KCTD15: variants seen among roughly 807,000 people sequenced by gnomAD.
KCTD15 encodes BTB/POZ domain-containing protein KCTD15.
Under a neutral mutation model 27.2 loss-of-function variants are expected in KCTD15, and 11 were observed. That is an observed-to-expected ratio of 0.41 (90% CI 0.25 to 0.67). The LOEUF (loss-of-function observed/expected upper bound fraction) is 0.67, where lower values mean the gene tolerates loss of function less well. Among genes scored for constraint, KCTD15 ranks in the 30% least tolerant of loss-of-function variants. The probability of loss-of-function intolerance (pLI) is 0.35; values close to 1 mark genes in which losing one functional copy is unlikely to be tolerated. For missense variants in KCTD15, 350 were observed against 409.3 expected (o/e 0.86, Z 1.25); for synonymous variants, 163 against 176.0 (o/e 0.93, Z 0.58).
Position 33,813,637 on chromosome 19 carries a change from G to C in KCTD15, c.*689G>C. On this transcript the variant is annotated 3_prime_UTR_variant, in exon 7 of 7. Coordinates refer to ENST00000683859, the MANE Select transcript of KCTD15 (RefSeq NM_001129994.2). ...GAGACCTTCACGTTTGCTGCCGTTG[G>C]GGGCTCAGGCTGCACTCCCCGGGTC... is the stretch of plus-strand genomic sequence containing the variant. The C allele has an allele frequency of 3.1e-6, 1 of 327,658 alleles. No homozygotes were observed. The highest frequency in any genetic ancestry group is 6.0e-6 in the Non-Finnish European group (1 of 166,584). 20.3% of individuals were successfully genotyped at this position (327,658 alleles called of 1,614,324 possible). A position where few individuals can be genotyped will look rare whatever the true frequency, so the allele number is the denominator to read the frequency against.
chr19:33,798,283 C>CA (rs1451103169), intron 1 of KCTD15: 1 of 79,572 alleles, frequency 1.3e-5, no homozygotes, highest in Non-Finnish European at 2.8e-5. Flanking sequence ...GAAGCGACTT[C>CA]AGAAGAAGCG....
chr19:33,800,842 A>G (rs943511077), intron 3 of KCTD15, among the ~76,000 whole-genome samples: 3 of 152,328 alleles, frequency 2.0e-5, no homozygotes, highest in African/African-American at 7.2e-5. Flanking sequence ...CATCTAACAC[A>G]TAAGCCCACG....
chr19:33,796,601 G>C (rs1262676144), upstream of KCTD15: 1 of 151,712 alleles, frequency 6.6e-6, no homozygotes, highest in Non-Finnish European at 1.5e-5. Flanking sequence ...GCTGGAGTGG[G>C]GGGCTGGTTT....
intron 1 of KCTD15, among the ~76,000 whole-genome samples, chr19:33,798,093 G>T (rs1030671275): frequency 8.6e-5 from 13 of 151,950 alleles, no homozygotes; most frequent in Admixed American, 8.5e-4. Context: ...GGCGGGAGGG[G>T]GGGGGTGGGG....
rs565367231 is a variant in KCTD15, at chr19:33,811,734, G to T, written c.693+182G>T. 1.1e-5 allele frequency: 18 copies of T among 1,572,406 alleles called. No homozygotes were observed. The East Asian group carries it at 3.8e-4, about 33-fold the overall frequency. On this transcript the variant is annotated intron_variant, in intron 6 of 6. Transcript: ENST00000683859. The stretch of plus-strand genomic sequence containing the variant: ...GTCCCTCTCATAATTAAATGATGGC[G>T]CCTGGGGGATGGACTTAAAAAAATC...
rs1178416995 is a variant in KCTD15 at position 33,798,753 on chromosome 19, T to TG, written c.-37dup. 1 of 152,668 alleles carries TG rather than the reference T, an allele frequency of 6.6e-6. No individual in the cohort carries two copies. Among genetic ancestry groups the TG allele is most frequent in the African/African-American group, 2.4e-5 (1 of 41,452 alleles). 9.5% of individuals were successfully genotyped at this position (152,668 alleles called of 1,614,324 possible). A position where few individuals can be genotyped will look rare whatever the true frequency, so the allele number is the denominator to read the frequency against. ...GAGATTCACGGCAAGGCGTAAAGCC[T>TG]GGGGCTTCCAACGGTAAGTTTCTGG... On this transcript the variant is annotated 5_prime_UTR_variant, in exon 2 of 7. Coordinates refer to ENST00000683859, the MANE Select transcript of KCTD15 (RefSeq NM_001129994.2).
rs369740417 is a variant in KCTD15 at position 33,811,545 on chromosome 19, C to T, written c.686C>T (p.Ser229Leu). 6 of 1,603,514 alleles carry T rather than the reference C, an allele frequency of 3.7e-6. No individual in the cohort carries two copies. Among genetic ancestry groups the T allele is most frequent in the Non-Finnish European group, 5.1e-6 (6 of 1,173,822 alleles). ...CTCAATGGCTACTGCCGGCTCAACTCGGTACAGGTGAGGGCTGCACGCTGC... is the reference window on the plus strand; with the variant it reads ...CTCAATGGCTACTGCCGGCTCAACTTGGTACAGGTGAGGGCTGCACGCTGC... ...FPLNGYCRLN[S>L]VQVLERLFQR... is the part of the protein sequence containing the mutation. Residue 229 changes from serine to leucine, a missense_variant, in exon 6 of 7, where the codon TCG becomes TTG. Ser to Leu is a moderately radical substitution (Grantham distance 145). Coordinates refer to ENST00000683859, the MANE Select transcript of KCTD15 (RefSeq NM_001129994.2).
chr19:33,797,636 G>A (rs1430943987), intron 1 of KCTD15, among the ~76,000 whole-genome samples: 18 of 152,046 alleles, frequency 1.2e-4, no homozygotes, highest in Non-Finnish European at 1.8e-4. Context: ...ACCTGGACGC[G>A]CGCACCCGGC....
chr19:33,813,290 A>T lies in KCTD15; in HGVS notation c.*342A>T, dbSNP rs1975989707. Reference sequence around the variant, plus strand: ...GAGCCGTCTGCAGCTACTTCAGAGGAGCTGTTTATCCCTCTCCACGCGGGG... The same window carrying T: ...GAGCCGTCTGCAGCTACTTCAGAGGTGCTGTTTATCCCTCTCCACGCGGGG... On this transcript the variant is annotated 3_prime_UTR_variant, in exon 7 of 7. Transcript: ENST00000683859. The T allele has an allele frequency of 1.7e-6, 1 of 572,510 alleles. No homozygotes were observed. The highest frequency in any genetic ancestry group is 1.8e-5 in the African/African-American group (1 of 54,122). 35.5% of individuals were successfully genotyped at this position (572,510 alleles called of 1,614,324 possible).
At chr19:33,802,536 G>A (rs1975591133) in intron 4 of KCTD15, among the ~76,000 whole-genome samples, 1 of 152,156 alleles carries the variant, frequency 6.6e-6, no homozygotes, top group African/African-American at 2.4e-5. Context: ...AATTTGGAGA[G>A]TCTAGGGTAC....
Position 33,812,800 on chromosome 19 carries a change from G to T in KCTD15, c.704G>T (p.Arg235Leu). 1 of 1,475,868 alleles carries T rather than the reference G, an allele frequency of 6.8e-7. No homozygotes were observed. Among genetic ancestry groups the T allele is most frequent in the South Asian group, 1.4e-5 (1 of 72,430 alleles). The allele number at this position is 1,475,868 out of a possible 1,614,324, so 91.4% of individuals were successfully genotyped here. ...TTTCTTCCTGGGCAGGTCCTGGAGC[G>T]GCTGTTCCAGAGGGGTTTCAGCGTG... ...CRLNSVQVLE[R>L]LFQRGFSVAA... The change falls in exon 7 of 7, where the codon CGG becomes CTG. Residue 235 changes from arginine to leucine, a missense_variant. This residue lies in a region of KCTD15 where 219 missense variants were observed against 234.9 expected (regional missense o/e 0.93). Coordinates refer to ENST00000683859, the MANE Select transcript of KCTD15 (RefSeq NM_001129994.2).
chr19:33,813,572 G>C lies in KCTD15; in HGVS notation c.*624G>C. 5.6e-6 allele frequency: 2 copies of C among 358,534 alleles called. No homozygotes were observed. 22.2% of individuals were successfully genotyped at this position (358,534 alleles called of 1,614,324 possible). Reference sequence around the variant, plus strand: ...GTGCTGCAGGGCTGCTGGGAGGAGAGTGGTGGGGGCCTGAGGGCTGAGTGA... The same window carrying C: ...GTGCTGCAGGGCTGCTGGGAGGAGACTGGTGGGGGCCTGAGGGCTGAGTGA... On this transcript the variant is annotated 3_prime_UTR_variant, in exon 7 of 7. Transcript: ENST00000683859.
Position 33,812,871 on chromosome 19 carries a change from T to C in KCTD15, c.775T>C (p.Tyr259His). 1.3e-6 allele frequency: 2 copies of C among 1,549,482 alleles called. No individual in the cohort carries two copies. Among genetic ancestry groups the C allele is most frequent in the Non-Finnish European group, 1.7e-6 (2 of 1,146,024 alleles). Residue 259 changes from tyrosine to histidine, a missense_variant, in exon 7 of 7, where the codon TAT becomes CAT. Around this residue, in one of 3 missense-constraint regions of KCTD15, gnomAD observed 219 missense variants for 234.9 expected, o/e 0.93. Transcript: ENST00000683859. ...TGTGGACTCCTCCCAGTTCAGCGAGTATGTGCTTTGCCGGGAGGAGCGGCG... is the reference window on the plus strand; with the variant it reads ...TGTGGACTCCTCCCAGTTCAGCGAGCATGTGCTTTGCCGGGAGGAGCGGCG... Reference protein sequence around the residue: ...GGVDSSQFSEYVLCREERRPQ... With the variant: ...GGVDSSQFSEHVLCREERRPQ...
At chr19:33,796,820 C>T (rs1336860537), upstream of KCTD15, 1 of 3,318 alleles carries the variant, frequency 3.0e-4, no homozygotes, top group African/African-American at 1.2e-3. Flanking sequence ...GGGGCCGGGG[C>T]GGGAGGGGTG....
chr19:33,800,548 T>C, intron 3 of KCTD15, 28 bp downstream of exon 3: 1 of 1,560,630 alleles, frequency 6.4e-7, no homozygotes, highest in Non-Finnish European at 8.7e-7. Context: ...GCTGGGTCCC[T>C]GCCGGGAGTT....
chr19:33,796,797 G>T (rs1456251519), upstream of KCTD15: 1 of 132,774 alleles, frequency 7.5e-6, no homozygotes, highest in Non-Finnish European at 1.6e-5. Flanking sequence ...GCCGCGAGGG[G>T]CCGCGTGAAG....
intron 6 of KCTD15, chr19:33,812,498 CTT>C: frequency 1.6e-6 from 2 of 1,215,206 alleles, no homozygotes; most frequent in Non-Finnish European, 2.0e-6. Flanking sequence ...CCCAAAGCCT[CTT>C]TTTGCCTCCC....
At chr19:33,805,889 C>A (rs776367603) in intron 4 of KCTD15, among the ~76,000 whole-genome samples, 4 of 152,206 alleles carry the variant, frequency 2.6e-5, no homozygotes, top group Non-Finnish European at 5.9e-5. Flanking sequence ...GGCTCCTTCT[C>A]CCCGGAGTGG....
chr19:33,800,571 T>C (rs1408003654), intron 3 of KCTD15, 51 bp downstream of exon 3: 1 of 1,495,852 alleles, frequency 6.7e-7, no homozygotes, highest in South Asian at 1.2e-5. Flanking sequence ...CTCTTTCCCT[T>C]CTTCCCCAGT....
Sources: allele counts gnomAD v4.1 joint callset (sites outside exome capture counted in the v4.1 genomes callset), GRCh38; gene constraint gnomAD v4.1.1; regional missense constraint gnomAD v4.1.1; transcripts MANE v1.5; gene names NCBI Gene and HGNC (gene_info 2026-07-23, HGNC 2026-07-21).